The following SCTR variants were observed in gnomAD, a reference collection of about 807,000 sequenced individuals.
SCTR encodes the protein pancreatic secretin receptor.
In SCTR, 56 loss-of-function variants were observed where a neutral mutation model predicts 60.8. The observed-to-expected ratio is 0.92, with a 90% confidence interval of 0.74 to 1.15. The LOEUF is 1.15. Among genes scored for constraint, SCTR ranks in the 50% most tolerant of loss-of-function variants. The pLI is 0.00. For missense variants in SCTR, 562 were observed against 550.4 expected, an observed-to-expected ratio of 1.02 and a Z score of -0.21; for synonymous variants, 202 against 217.0, an observed-to-expected ratio of 0.93 and a Z score of 0.61.
chr2:119,500,659 A>T (rs1161182041), intron 1 of SCTR, among the ~76,000 whole-genome samples: 2 of 152,228 alleles, frequency 1.3e-5, no homozygotes, highest in African/African-American at 4.8e-5. Context: ...TCACTCATAC[A>T]TGGGAACTAA....
chr2:119,457,988 A>C (rs757079220), intron 7 of SCTR, among the ~76,000 whole-genome samples: 7 of 152,274 alleles, frequency 4.6e-5, no homozygotes, highest in Middle Eastern at 6.8e-3. Flanking sequence ...CTTTGATAAA[A>C]ATAACAATTA....
At chr2:119,493,285 C>T (rs1442787559) in intron 2 of SCTR, among the ~76,000 whole-genome samples, 1 of 152,138 alleles carries the variant, frequency 6.6e-6, no homozygotes, top group African/African-American at 2.4e-5. Context: ...ATGGATAAAC[C>T]ACATTTTGTT....
intron 1 of SCTR, among the ~76,000 whole-genome samples, chr2:119,497,040 T>C (rs2104908346): frequency 6.6e-6 from 1 of 152,322 alleles, no homozygotes. Flanking sequence ...ATGATATCAG[T>C]GGAAACTAGA....
At chr2:119,517,892 C>T (rs922946352) in intron 1 of SCTR, among the ~76,000 whole-genome samples, 5 of 152,136 alleles carry the variant, frequency 3.3e-5, no homozygotes, top group African/African-American at 1.2e-4. Context: ...GCCCTACCCC[C>T]AGGGTGGCTG....
In SCTR at chr2:119,494,463, T is replaced by C. The variant is rs775176270; in HGVS notation, c.158A>G (p.Gln53Arg). Residue 53 changes from glutamine to arginine, a missense_variant, in exon 2 of 13, where the codon CAG becomes CGG. Gln to Arg is a conservative substitution (Grantham distance 43). Coordinates refer to ENST00000019103, the MANE Select transcript of SCTR (RefSeq NM_002980.3). Reference protein sequence around the residue: ...DQCLQELSREQTGDLGTEQPV... With the variant: ...DQCLQELSRERTGDLGTEQPV... ...CTGCTCCGTGCCCAGGTCTCCTGTC[T>C]GCTCTCTGGAGAGTTCCTGCAGGCA... 11 of 1,613,924 alleles carry C rather than the reference T, an allele frequency of 6.8e-6. No individual in the cohort carries two copies. In the Admixed American group the frequency reaches 8.3e-5, roughly 12 times the overall value.
intron 9 of SCTR, 117 bp from the exon 10 acceptor site, chr2:119,448,897 T>C: frequency 1.6e-6 from 1 of 643,586 alleles, no homozygotes; most frequent in Admixed American, 2.3e-5. Context: ...ACAGCCAGGA[T>C]GGCCCACCAG....
At chr2:119,444,377 G>A (rs1003109504) in intron 11 of SCTR, among the ~76,000 whole-genome samples, 5 of 143,382 alleles carry the variant, frequency 3.5e-5, no homozygotes, top group Non-Finnish European at 7.5e-5. Context: ...ACATATATAC[G>A]TATGAATATA....
chr2:119,520,599 C>T (rs1679258440), intron 1 of SCTR, among the ~76,000 whole-genome samples: 1 of 152,194 alleles, frequency 6.6e-6, no homozygotes, highest in Non-Finnish European at 1.5e-5. Flanking sequence ...GGGCAGCGAC[C>T]ACCATGTACT....
In SCTR at chr2:119,464,377, A is replaced by G. The variant is rs2104806482; in HGVS notation, c.504-122T>C. On this transcript the variant is annotated intron_variant, in intron 5 of 12. Transcript: ENST00000019103. The stretch of plus-strand genomic sequence containing the variant: ...CCTAGACTTCAGCTCTTTCCGGGTA[A>G]CACATTCTGTGAGCATAACCTGAAT... 7.5e-6 allele frequency: 7 copies of G among 933,746 alleles called. No individual in the cohort carries two copies. The South Asian group carries it at 1.1e-4, about 14-fold the overall frequency. 57.8% of individuals were successfully genotyped at this position (933,746 alleles called of 1,614,324 possible).
At chr2:119,497,902 C>T (rs1678409634) in intron 1 of SCTR, among the ~76,000 whole-genome samples, 1 of 151,990 alleles carries the variant, frequency 6.6e-6, no homozygotes, top group Non-Finnish European at 1.5e-5. Context: ...TAACAAAATA[C>T]CTAGCATTCA....
At chr2:119,450,078 A>AAAATAAATAAAT (rs140544177) in intron 9 of SCTR, among the ~76,000 whole-genome samples, 12 of 145,082 alleles carry the variant, frequency 8.3e-5, no homozygotes, top group African/African-American at 3.0e-4. Flanking sequence ...GAAAGAAAGA[A>AAAATAAATAAAT]AAATAAATAA....
At chr2:119,462,075 C>A in intron 6 of SCTR, 75 bp from the exon 7 acceptor site, 3 of 1,452,564 alleles carry the variant, frequency 2.1e-6, no homozygotes, top group Middle Eastern at 2.4e-4. Context: ...CCAAAGGGAG[C>A]AACAGGGTGT....
chr2:119,520,939 T>C (rs1199218519), intron 1 of SCTR, among the ~76,000 whole-genome samples: 1 of 152,198 alleles, frequency 6.6e-6, no homozygotes, highest in African/African-American at 2.4e-5. Flanking sequence ...GATTTTGCCC[T>C]TCCTACCCCC....
chr2:119,470,694 T>G (rs1676967601), intron 4 of SCTR, among the ~76,000 whole-genome samples: 1 of 152,138 alleles, frequency 6.6e-6, no homozygotes, highest in Non-Finnish European at 1.5e-5. Flanking sequence ...CAGTTCTCAT[T>G]GTGTGGATGT....
chr2:119,523,411 T>TATC (rs1352441778), intron 1 of SCTR, among the ~76,000 whole-genome samples: 5 of 146,302 alleles, frequency 3.4e-5, no homozygotes, highest in African/African-American at 1.2e-4. Context: ...TTATTATTAT[T>TATC]ATTATTATTA....
In SCTR at chr2:119,490,545, T is replaced by C. The variant is rs79509252; in HGVS notation, c.193+3883A>G. Among the ~76,000 whole-genome samples the C allele has an allele frequency of 6.2e-3, 948 of 152,324 alleles. 9 individuals carry two copies. Among genetic ancestry groups the C allele is most frequent in the African/African-American group, 0.021 (873 of 41,564 alleles). On this transcript the variant is annotated intron_variant, in intron 2 of 12. Transcript: ENST00000019103. ...GTCTAAAACTACATGTGTGATTTTT[T>C]ATCTCCTCTCCTCCAAAATGCTGAT...
At position 119,505,600 on chromosome 2, in the gene SCTR, G is replaced by A. The variant is rs139691670; in HGVS notation, c.73-11052C>T. ...AAACCATCGTTCTCAGCAAACTATC[G>A]CAAGGACAAAAAACCAAACACCGCA... On this transcript the variant is annotated intron_variant, in intron 1 of 12. Transcript: ENST00000019103. Among the ~76,000 whole-genome samples the A allele has an allele frequency of 5.1e-3, 758 of 147,442 alleles. 4 individuals carry two copies. Among genetic ancestry groups the A allele is most frequent in the Non-Finnish European group, 7.6e-3 (499 of 65,282 alleles).
intron 1 of SCTR, among the ~76,000 whole-genome samples, chr2:119,504,163 A>T (rs72834829): frequency 0.015 from 2,319 of 152,326 alleles, 29 homozygotes; most frequent in South Asian, 0.032. Flanking sequence ...CAATGAAAGG[A>T]TCATCTTTTC....
At chr2:119,469,865 T>C (rs1385181497) in intron 4 of SCTR, among the ~76,000 whole-genome samples, 1 of 152,216 alleles carries the variant, frequency 6.6e-6, no homozygotes, top group East Asian at 1.9e-4. Flanking sequence ...CTCACTGTTG[T>C]CTGTCCTGAA....
Sources: allele counts gnomAD v4.1 joint callset (sites outside exome capture counted in the v4.1 genomes callset), GRCh38; gene constraint gnomAD v4.1.1; transcripts MANE v1.5; gene names NCBI Gene and HGNC (gene_info 2026-07-23, HGNC 2026-07-21).